Variants in STRC observed in about 807,000 individuals in gnomAD.
STRC encodes the protein stereocilin.
STRC carries 43 observed loss-of-function variants against 103.5 expected under a neutral mutation model. The ratio of observed to expected loss-of-function variants is 0.42; its 90% CI spans 0.33 to 0.54. STRC has a LOEUF of 0.54. Among genes scored for constraint, STRC ranks in the 20% least tolerant of loss-of-function variants. STRC has a pLI of 0.14. For missense variants in STRC, 499 were observed against 1,088.5 expected, an observed-to-expected ratio of 0.46 and a Z score of 7.62; for synonymous variants, 186 against 442.3, an observed-to-expected ratio of 0.42 and a Z score of 7.27.
chr15:43,601,141 G>A, intron 24 of STRC, 127 bp from the exon 25 acceptor site: 1 of 857,818 alleles, frequency 1.2e-6, no homozygotes, highest in Non-Finnish European at 1.8e-6. Context: ...GGGGAAGGCT[G>A]AGGACTCAGA....
At position 43,604,040 on chromosome 15, in the gene STRC, G is replaced by C. The variant is rs776304414; in HGVS notation, c.4331C>G (p.Ala1444Gly). 8 of 1,613,310 alleles carry C rather than the reference G, an allele frequency of 5.0e-6. No individual in the cohort carries two copies. In the South Asian group the frequency reaches 8.8e-5, roughly 18 times the overall value. The part of the protein sequence containing the change: ...REPQLAAKKA[A>G]LVAGVVRPAA... ...TGGTCGCACCACCCCTGCTACCAGG[G>C]CTGCTTTCTTGGCAGCAAGCTGTGG... The change falls in exon 22 of 29, where the codon GCC (alanine) becomes GGC (glycine). Residue 1444 changes from alanine (A) to glycine (G), a missense_variant. Coordinates refer to ENST00000450892, the MANE Select transcript of STRC (RefSeq NM_153700.2).
chr15:43,600,795 G>A, intron 25 of STRC, 77 bp downstream of exon 25: 1 of 1,613,150 alleles, frequency 6.2e-7, no homozygotes, highest in Non-Finnish European at 8.5e-7. Flanking sequence ...CATGGGACCA[G>A]ACCTTCATGA....
chr15:43,603,221 A>C, intron 23 of STRC, 21 bp downstream of exon 23: 1 of 1,612,234 alleles, frequency 6.2e-7, no homozygotes, highest in East Asian at 2.2e-5. Context: ...GGCCAACCCC[A>C]GTTGGCTCTC....
In STRC at chr15:43,606,493, A is replaced by G. The variant is rs1364338831; in HGVS notation, c.3795-1094T>C. ...CACGCGCCTGTAATCCCAGCTACTCAGCAGGCTGAGGCAGGAGAATTGCTT... is the reference window on the plus strand; with the variant it reads ...CACGCGCCTGTAATCCCAGCTACTCGGCAGGCTGAGGCAGGAGAATTGCTT... On this transcript the variant is annotated intron_variant, in intron 18 of 28. Coordinates refer to ENST00000450892, the MANE Select transcript of STRC (RefSeq NM_153700.2). Among the ~76,000 whole-genome samples, 4 of 151,028 alleles carry G rather than the reference A, an allele frequency of 2.6e-5. 1 individual carries two copies. The highest frequency in any genetic ancestry group is 9.8e-5 in the African/African-American group (4 of 40,742).
At chr15:43,602,971 A>C (rs2085683116) in intron 23 of STRC, among the ~76,000 whole-genome samples, 1 of 151,650 alleles carries the variant, frequency 6.6e-6, no homozygotes, top group Non-Finnish European at 1.5e-5. Context: ...TTTTTAAGAA[A>C]GAAAAAAAAA....
intron 23 of STRC, 38 bp from the exon 24 acceptor site, chr15:43,601,589 G>GTAA (rs1221394315): frequency 6.2e-7 from 1 of 1,609,654 alleles, no homozygotes; most frequent in Non-Finnish European, 8.5e-7. Flanking sequence ...TGGAAAAGCA[G>GTAA]TGGATTGGGA....
intron 23 of STRC, 43 bp downstream of exon 23, chr15:43,603,199 T>C (rs761741712): frequency 6.2e-7 from 1 of 1,604,978 alleles, no homozygotes. Context: ...CACACCCAAA[T>C]AGCTTCCTCA....
intron 7 of STRC, among the ~76,000 whole-genome samples, chr15:43,613,474 G>GT (rs1163660326): frequency 7.0e-6 from 1 of 142,908 alleles, no homozygotes; most frequent in African/African-American, 2.8e-5. Context: ...AGCCTCCAGA[G>GT]TAACTGGGAC....
intron 18 of STRC, 33 bp from the exon 19 acceptor site, chr15:43,605,432 G>A (rs777905208): frequency 8.2e-6 from 13 of 1,579,500 alleles, no homozygotes; most frequent in Admixed American, 5.4e-5. Context: ...ACAGGATTCA[G>A]GTGGAGCTGG....
chr15:43,600,879 C>T lies in STRC; in HGVS notation c.4837G>A (p.Glu1613Lys), dbSNP rs769443188. Residue 1613 changes from glutamate (E) to lysine (K), a missense_variant, in exon 25 of 29, where the codon GAG becomes AAG. Physicochemically the swap from Glu to Lys is moderately conservative, Grantham distance 56 (BLOSUM62 1). Coordinates refer to ENST00000450892, the MANE Select transcript of STRC (RefSeq NM_153700.2). The stretch of plus-strand genomic sequence containing the variant: ...AGCCCCTTCACAAATGACCTGAACT[C>T]CCAACTGCTGATGTGCTGGAGCTCC... ...PEELQHISSW[E>K]FSQAALFLGT... The T allele has an allele frequency of 6.2e-7, 1 of 1,613,314 alleles. No individual in the cohort carries two copies. The highest frequency in any genetic ancestry group is 8.5e-7 in the Non-Finnish European group (1 of 1,179,802).
In STRC at chr15:43,614,194, A is replaced by ACCTGCAGCTTCC; in HGVS notation, c.2303_2313+1dup. On this transcript the variant is annotated splice_donor_variant, in intron 6 of 28. Coordinates refer to ENST00000450892, the MANE Select transcript of STRC (RefSeq NM_153700.2). LOFTEE classifies it high-confidence loss of function. Reference sequence around the variant, plus strand: ...CCCTTGCTCCCCTTTCTCAGTGCTCACCTGCAGCTTCCCCTGCAGCTTCCC... The same window carrying ACCTGCAGCTTCC: ...CCCTTGCTCCCCTTTCTCAGTGCTCACCTGCAGCTTCCCCTGCAGCTTCCCCTGCAGCTTCCC... 1 of 271,292 alleles carries ACCTGCAGCTTCC rather than the reference A, an allele frequency of 3.7e-6. No homozygotes were observed. The highest frequency in any genetic ancestry group is 6.2e-6 in the Non-Finnish European group (1 of 161,802). The allele number at this position is 271,292 out of a possible 1,614,324, so 16.8% of individuals were successfully genotyped here.
At position 43,604,068 on chromosome 15, in the gene STRC, C is replaced by G; in HGVS notation, c.4303G>C (p.Glu1435Gln). The change falls in exon 22 of 29, where the codon GAG becomes CAG. Residue 1435 changes from glutamate (E) to glutamine (Q), a missense_variant. Transcript: ENST00000450892. ...GCTTTCTTGGCAGCAAGCTGTGGCT[C>G]CCTACACAGCTGTCCAACTCTGCTC... ...EQSRVGQLCR[E>Q]PQLAAKKAAL... The G allele has an allele frequency of 1.2e-6, 2 of 1,613,322 alleles. No homozygotes were observed. The highest frequency in any genetic ancestry group is 8.5e-7 in the Non-Finnish European group (1 of 1,179,678).
chr15:43,605,412 T>A lies in STRC; in HGVS notation c.3795-13A>T, dbSNP rs1276799433. On this transcript the variant is annotated splice_polypyrimidine_tract_variant and intron_variant, in intron 18 of 28. Transcript: ENST00000450892. ...CATCAACTGGATCCTATTACAGCAA[T>A]TTGACAACAACAGGATTCAGGTGGA... The A allele has an allele frequency of 2.5e-6, 4 of 1,597,776 alleles. No individual in the cohort carries two copies. Among genetic ancestry groups the A allele is most frequent in the Non-Finnish European group, 1.7e-6 (2 of 1,170,752 alleles).
At chr15:43,601,268 C>G in intron 24 of STRC, 128 bp downstream of exon 24, 1 of 1,417,080 alleles carries the variant, frequency 7.1e-7, no homozygotes, top group South Asian at 1.2e-5. Flanking sequence ...TATGGGGTAT[C>G]AACAAAAGAT....
In STRC at chr15:43,606,999, CA is replaced by C. The variant is rs1366473498; in HGVS notation, c.3794+863del. ...TTGGTGACACAGCAAAACTCTGTCT[CA>C]AAAAAAAAAAAAAAGAAAAAAAAGA... is the stretch of plus-strand genomic sequence containing the variant. On this transcript the variant is annotated intron_variant, in intron 18 of 28. Coordinates refer to ENST00000450892, the MANE Select transcript of STRC (RefSeq NM_153700.2). 3.7e-3 allele frequency among the ~76,000 whole-genome samples: 229 copies of C among 62,220 alleles called. 1 individual carries two copies. Among genetic ancestry groups the C allele is most frequent in the African/African-American group, 6.1e-3 (109 of 17,846 alleles). The allele number at this position is 62,220 out of a possible 152,430, so 40.8% of individuals were successfully genotyped here.
At chr15:43,605,444 C>T in intron 18 of STRC, 45 bp from the exon 19 acceptor site, 5 of 1,569,432 alleles carry the variant, frequency 3.2e-6, no homozygotes, top group Non-Finnish European at 4.3e-6. Context: ...TGGAGCTGGG[C>T]CAAGTCGAGA....
At chr15:43,604,215 T>G in intron 21 of STRC, 63 bp from the exon 22 acceptor site, 2 of 1,605,514 alleles carry the variant, frequency 1.2e-6, no homozygotes, top group Non-Finnish European at 1.7e-6. Flanking sequence ...CTGCTATAGC[T>G]CTAAGTCCAA....
chr15:43,606,599 C>A (rs1279484069), intron 18 of STRC, among the ~76,000 whole-genome samples: 2 of 142,632 alleles, frequency 1.4e-5, no homozygotes, highest in African/African-American at 2.6e-5. Flanking sequence ...GACTCTGTCT[C>A]AAAAATATAA....
intron 15 of STRC, chr15:43,609,743 GC>G (rs1436410198): frequency 5.0e-6 from 1 of 198,164 alleles, no homozygotes; most frequent in Non-Finnish European, 9.9e-6. Context: ...TTAAAAATTG[GC>G]CGGGCATGGT....
Sources: gnomAD v4.1 joint callset for allele counts (sites outside exome capture counted in the v4.1 genomes callset) on GRCh38, gnomAD v4.1.1 for gene constraint, MANE v1.5 for transcripts, NCBI Gene and HGNC (gene_info 2026-07-23, HGNC 2026-07-21) for gene names.